ADGRB3: variants seen among roughly 807,000 people sequenced by gnomAD.
ADGRB3 encodes the protein brain-specific angiogenesis inhibitor 3.
ADGRB3 carries 37 observed loss-of-function variants against 193.4 expected under a neutral mutation model. The ratio of observed to expected loss-of-function variants is 0.19; its 90% CI spans 0.15 to 0.25. The LOEUF (loss-of-function observed/expected upper bound fraction) is 0.25, where lower values mean the gene tolerates loss of function less well. ADGRB3 is among the 10% of genes least tolerant of loss of function. ADGRB3 has a pLI of 1.00. For synonymous variants in ADGRB3, 690 were observed against 644.2 expected (o/e 1.07, Z -1.08); for missense variants, 1,637 against 1,852.9 (o/e 0.88, Z 2.14).
At chr6:69,272,282 G>A (rs868702995) in intron 20 of ADGRB3, among the ~76,000 whole-genome samples, 21 of 152,200 alleles carry the variant, frequency 1.4e-4, no homozygotes, top group South Asian at 2.1e-4. Context: ...GAAACAAATC[G>A]TTTTCATTCC....
chr6:69,014,807 T>G (rs1306093377), intron 12 of ADGRB3, among the ~76,000 whole-genome samples: 2 of 151,840 alleles, frequency 1.3e-5, no homozygotes, highest in Non-Finnish European at 2.9e-5. Context: ...CTTCTTTAGG[T>G]TTTCTATTTG....
At position 69,074,455 on chromosome 6, in the gene ADGRB3, T is replaced by A. The variant is rs140873792; in HGVS notation, c.2437-1540T>A. 4.7e-4 allele frequency among the ~76,000 whole-genome samples: 71 copies of A among 151,890 alleles called. 1 individual carries two copies. Among genetic ancestry groups the A allele is most frequent in the African/African-American group, 1.6e-3 (67 of 41,436 alleles). ...TCTATATGTAGACAACACTGAAGCC[T>A]GAGGGCTGGGTCATAGCTTGCTGGC... On this transcript the variant is annotated intron_variant, in intron 16 of 31. Transcript: ENST00000370598.
chr6:68,778,261 G>T (rs1005991505), intron 3 of ADGRB3, among the ~76,000 whole-genome samples: 1 of 152,066 alleles, frequency 6.6e-6, no homozygotes, highest in Admixed American at 6.6e-5. Context: ...GGTGAAGGCT[G>T]CTATAAGTGA....
intron 17 of ADGRB3, among the ~76,000 whole-genome samples, chr6:69,188,465 C>T (rs1056740969): frequency 9.2e-5 from 14 of 152,158 alleles, no homozygotes; most frequent in East Asian, 3.9e-4. Context: ...CCCTCCACCA[C>T]GCCCAGCTAA....
chr6:69,279,452 CTG>C (rs56686568), intron 20 of ADGRB3, among the ~76,000 whole-genome samples: 185 of 147,418 alleles, frequency 1.3e-3, no homozygotes, highest in Middle Eastern at 3.5e-3. Context: ...GTCAAGAATG[CTG>C]TGTGTGTGTG....
chr6:69,057,637 A>C lies in ADGRB3; in HGVS notation c.2334-5297A>C, dbSNP rs1771582842. On this transcript the variant is annotated intron_variant, in intron 15 of 31. Transcript: ENST00000370598. ...TCCTGGTTCATTAAGCGATTTTATC[A>C]TGAAAGGGTGTCGAATTTTGTCACA... 3.9e-5 allele frequency among the ~76,000 whole-genome samples: 6 copies of C among 151,976 alleles called. No individual in the cohort carries two copies. The South Asian group carries it at 1.2e-3, about 31-fold the overall frequency.
intron 17 of ADGRB3, among the ~76,000 whole-genome samples, chr6:69,232,814 T>C (rs774918498): frequency 6.6e-6 from 1 of 152,212 alleles, no homozygotes; most frequent in African/African-American, 2.4e-5. Context: ...TGTAACCTTT[T>C]AGTCAGGCTT....
intron 17 of ADGRB3, among the ~76,000 whole-genome samples, chr6:69,177,258 G>C (rs547342606): frequency 2.6e-5 from 4 of 152,066 alleles, no homozygotes; most frequent in African/African-American, 9.6e-5. Flanking sequence ...ATAAGTGTTT[G>C]GTGCTGTAAA....
intron 17 of ADGRB3, among the ~76,000 whole-genome samples, chr6:69,191,514 A>G (rs145618980): frequency 2.1e-3 from 322 of 152,304 alleles, no homozygotes; most frequent in African/African-American, 7.5e-3. Context: ...CACAATTATA[A>G]TTGTATTATT....
At chr6:69,243,189 C>A (rs1350790781) in intron 20 of ADGRB3, among the ~76,000 whole-genome samples, 2 of 151,898 alleles carry the variant, frequency 1.3e-5, no homozygotes, top group Non-Finnish European at 2.9e-5. Context: ...TAGCTTCTCT[C>A]TCTCACAAGC....
intron 18 of ADGRB3, among the ~76,000 whole-genome samples, chr6:69,234,793 G>A (rs1256765943): frequency 6.6e-6 from 1 of 152,052 alleles, no homozygotes; most frequent in Non-Finnish European, 1.5e-5. Context: ...ATATTCCATA[G>A]CCCACCATTT....
At chr6:69,069,553 CAAAAAAAAAAAAAAA>C (rs57616226) in intron 16 of ADGRB3, among the ~76,000 whole-genome samples, 1 of 31,782 alleles carries the variant, frequency 3.1e-5, no homozygotes, top group African/African-American at 1.4e-4. Flanking sequence ...ACTAAAAATA[CAAAAAAAAAAAAAAA>C]AAAAAAAAAA....
rs548308471 is a variant in ADGRB3 at position 68,977,666 on chromosome 6, A to G, written c.1734+2326A>G. Among the ~76,000 whole-genome samples, 8 of 152,260 alleles carry G rather than the reference A, an allele frequency of 5.3e-5. No individual in the cohort carries two copies. The South Asian group carries it at 1.7e-3, about 32-fold the overall frequency. The stretch of plus-strand genomic sequence containing the variant: ...TGAATATGCCCTTGTTGACTTGGGT[A>G]CAATTATCAGGTGCATGATCTTGTA... On this transcript the variant is annotated intron_variant, in intron 10 of 31. Transcript: ENST00000370598.
intron 3 of ADGRB3, among the ~76,000 whole-genome samples, chr6:68,885,262 C>T (rs539111041): frequency 6.6e-6 from 1 of 152,094 alleles, no homozygotes; most frequent in African/African-American, 2.4e-5. Context: ...TTTTGAGTGC[C>T]TACAATTTGG....
rs538478828 is a variant in ADGRB3, at chr6:69,032,819, C to T, written c.2107+14320C>T. ...AAAACATGCTAGCTTTGGAGTTAGACATCTGGCTGCAAACCTTGACTATAC... is the reference window on the plus strand; with the variant it reads ...AAAACATGCTAGCTTTGGAGTTAGATATCTGGCTGCAAACCTTGACTATAC... On this transcript the variant is annotated intron_variant, in intron 13 of 31. Transcript: ENST00000370598. Among the ~76,000 whole-genome samples the T allele has an allele frequency of 7.2e-5, 11 of 152,286 alleles. No individual in the cohort carries two copies. In the South Asian group the frequency reaches 2.1e-3, roughly 29 times the overall value.
rs1407648046 is a variant in ADGRB3 at position 69,239,196 on chromosome 6, A to G, written c.2784A>G (p.Ile928Met). ...CTATCATCTCATCCAATATCCTCAT[A>G]CTGGTTGGACAGACTCAGACACATA... Reference protein sequence around the residue: ...CLSIISSNILILVGQTQTHNK... With the variant: ...CLSIISSNILMLVGQTQTHNK... Residue 928 changes from isoleucine to methionine, a missense_variant, in exon 20 of 32, where the codon ATA (isoleucine) becomes ATG (methionine). Ile to Met is a conservative substitution (Grantham distance 10). Around this residue, in one of 7 missense-constraint regions of ADGRB3, gnomAD observed 87 missense variants for 161.0 expected, o/e 0.54. Coordinates refer to ENST00000370598, the MANE Select transcript of ADGRB3 (RefSeq NM_001704.3). 6.3e-7 allele frequency: 1 copy of G among 1,591,208 alleles called. No homozygotes were observed. The highest frequency in any genetic ancestry group is 8.6e-7 in the Non-Finnish European group (1 of 1,160,242).
At chr6:69,137,077 A>T (rs12190774) in intron 17 of ADGRB3, among the ~76,000 whole-genome samples, 1,555 of 23,020 alleles carry the variant, frequency 0.068, 37 homozygotes, top group African/African-American at 0.11. Context: ...TTTTTTTTTT[A>T]ATGGTAAGAT....
chr6:69,370,304 C>T (rs1325222666), intron 29 of ADGRB3, among the ~76,000 whole-genome samples: 1 of 152,084 alleles, frequency 6.6e-6, no homozygotes, highest in African/African-American at 2.4e-5. Context: ...TTGTGGAAAC[C>T]TGAATAACTT....
intron 3 of ADGRB3, among the ~76,000 whole-genome samples, chr6:68,841,115 G>T (rs1226116208): frequency 6.7e-6 from 1 of 148,152 alleles, no homozygotes; most frequent in Non-Finnish European, 1.5e-5. Context: ...AATATTATTA[G>T]AACTAAAGGG....
Sources: gnomAD v4.1 joint callset for allele counts (sites outside exome capture counted in the v4.1 genomes callset) on GRCh38, gnomAD v4.1.1 for gene constraint, gnomAD v4.1.1 regional missense constraint, MANE v1.5 for transcripts, NCBI Gene and HGNC (gene_info 2026-07-23, HGNC 2026-07-21) for gene names.